ANKRD30A: variants seen among roughly 807,000 people sequenced by gnomAD.
The protein encoded by ANKRD30A is ankyrin repeat domain 30A, also known as ankyrin repeat domain-containing protein 30A.
Under a neutral mutation model 166.3 loss-of-function variants are expected in ANKRD30A, and 170 were observed. That is an observed-to-expected ratio of 1.02 (90% CI 0.90 to 1.16). The LOEUF is 1.16. ANKRD30A is among the 50% of genes most tolerant of loss of function. The probability of loss-of-function intolerance (pLI) is 0.00; values close to 1 mark genes in which losing one functional copy is unlikely to be tolerated. For synonymous variants in ANKRD30A, 564 were observed against 508.9 expected, an observed-to-expected ratio of 1.11 and a Z score of -1.46; for missense variants, 1,630 against 1,518.0, an observed-to-expected ratio of 1.07 and a Z score of -1.23.
intron 11 of ANKRD30A, among the ~76,000 whole-genome samples, chr10:37,151,026 T>C (rs1623271): frequency 0.1 from 8,204 of 82,390 alleles, 809 homozygotes; most frequent in African/African-American, 0.14. Context: ...TTTGAGTTTC[T>C]TGTACCCTCT....
chr10:37,147,083 A>G (rs80012982), intron 8 of ANKRD30A, among the ~76,000 whole-genome samples: 939 of 47,280 alleles, frequency 0.02, no homozygotes, highest in South Asian at 0.041. Context: ...GATATTTTTA[A>G]GTGAGCTACT....
chr10:37,146,989 C>A (rs568867821), intron 8 of ANKRD30A, among the ~76,000 whole-genome samples: 2 of 101,732 alleles, frequency 2.0e-5, no homozygotes, highest in African/African-American at 7.1e-5. Context: ...TCTGATTGAA[C>A]CCCAACATGT....
intron 13 of ANKRD30A, 90 bp from the exon 14 acceptor site, chr10:37,158,302 G>A (rs1838538683): frequency 6.7e-7 from 1 of 1,488,484 alleles, no homozygotes; most frequent in African/African-American, 1.4e-5. Flanking sequence ...CCAAGCATGA[G>A]GATTCATCTT....
intron 18 of ANKRD30A, among the ~76,000 whole-genome samples, chr10:37,166,059 G>T (rs1252821475): frequency 6.6e-6 from 1 of 151,984 alleles, no homozygotes; most frequent in Middle Eastern, 3.2e-3. Flanking sequence ...TCAGAAACAT[G>T]TTGCTTATTT....
At chr10:37,201,426 T>G (rs187713253) in intron 31 of ANKRD30A, 101 bp downstream of exon 31, 1 of 859,764 alleles carries the variant, frequency 1.2e-6, no homozygotes, top group African/African-American at 1.8e-5. Flanking sequence ...ACCTCCTAAA[T>G]GCAAACCATG....
the ANKRD30A span, chr10:37,262,388 A>C: frequency 6.5e-6 from 1 of 153,538 alleles, no homozygotes; most frequent in Admixed American, 6.5e-5. Flanking sequence ...GCCTTGGAGA[A>C]AGCAGATCTG....
chr10:37,148,362 A>T (rs1486813622), intron 9 of ANKRD30A, among the ~76,000 whole-genome samples: 1 of 152,162 alleles, frequency 6.6e-6, no homozygotes, highest in Non-Finnish European at 1.5e-5. Context: ...AACAAATTAT[A>T]AATTTAAGTT....
rs754022824 is a variant in ANKRD30A, at chr10:37,147,412, G to C, written c.1498G>C (p.Glu500Gln). 6.3e-7 allele frequency: 1 copy of C among 1,597,210 alleles called. No individual in the cohort carries two copies. The highest frequency in any genetic ancestry group is 8.5e-7 in the Non-Finnish European group (1 of 1,172,318). The change falls in exon 9 of 36, where the codon GAG becomes CAG. Residue 500 changes from glutamate to glutamine, a missense_variant. Physicochemically the swap from Glu to Gln is conservative, Grantham distance 29. This residue lies in a region of ANKRD30A where 904 missense variants were observed against 818.5 expected (regional missense o/e 1.10). Coordinates refer to ENST00000361713, the MANE Select transcript of ANKRD30A (RefSeq NM_052997.3). ...SSAKIQVCIPESIYQKVMEIN... is the reference protein window; with the variant it reads ...SSAKIQVCIPQSIYQKVMEIN... ...TGCAAAGATTCAAGTGTGTATACCT[G>C]AGTCTATATATCAAAAAGTAATGGA...
At chr10:37,206,065 G>A (rs1255716546) in intron 31 of ANKRD30A, among the ~76,000 whole-genome samples, 3 of 152,098 alleles carry the variant, frequency 2.0e-5, no homozygotes, top group Admixed American at 6.6e-5. Flanking sequence ...ATAGATGCAC[G>A]ATATTACTTC....
intron 31 of ANKRD30A, among the ~76,000 whole-genome samples, chr10:37,209,397 G>A (rs1161903363): frequency 6.6e-6 from 1 of 152,106 alleles, no homozygotes; most frequent in African/African-American, 2.4e-5. Flanking sequence ...GGAAGAACTT[G>A]CACATCACAT....
chr10:37,145,407 G>T (rs764182989), intron 8 of ANKRD30A, among the ~76,000 whole-genome samples: 8 of 152,120 alleles, frequency 5.3e-5, no homozygotes, highest in Non-Finnish European at 8.8e-5. Context: ...AACCCGGGAG[G>T]TGGAGGTTGC....
chr10:37,217,891 CTG>C lies in ANKRD30A; in HGVS notation c.3267+14_3267+15del. On this transcript the variant is annotated intron_variant, in intron 33 of 35. Coordinates refer to ENST00000361713, the MANE Select transcript of ANKRD30A (RefSeq NM_052997.3). ...TAATTTGAATCAGGTAAATCAATCT[CTG>C]ATAAAAATTTTATATTTCTAACTTT... 6.7e-7 allele frequency: 1 copy of C among 1,493,676 alleles called. No homozygotes were observed. Among genetic ancestry groups the C allele is most frequent in the Non-Finnish European group, 8.9e-7 (1 of 1,118,948 alleles). 92.5% of individuals were successfully genotyped at this position (1,493,676 alleles called of 1,614,324 possible).
chr10:37,232,863 C>T (rs1843507378), downstream of ANKRD30A, among the ~76,000 whole-genome samples: 1 of 142,404 alleles, frequency 7.0e-6, no homozygotes, highest in Middle Eastern at 3.5e-3. Flanking sequence ...TAGCCAATGC[C>T]CTCCAGCCTG....
At chr10:37,148,941 T>C (rs1352754513) in intron 9 of ANKRD30A, among the ~76,000 whole-genome samples, 1 of 152,042 alleles carries the variant, frequency 6.6e-6, no homozygotes, top group African/African-American at 2.4e-5. Flanking sequence ...AATATTGTGG[T>C]GACTTTATAA....
rs1321258303 is a variant in ANKRD30A at position 37,219,385 on chromosome 10, A to G, written c.3673A>G (p.Ile1225Val). 1.9e-6 allele frequency: 3 copies of G among 1,610,610 alleles called. No homozygotes were observed. The highest frequency in any genetic ancestry group is 1.7e-5 in the Admixed American group (1 of 59,660). ...SRKSQEPAFH[I>V]AGDACLQRKM... Reference sequence around the variant, plus strand: ...AAAAAGTCAAGAACCTGCTTTCCACATTGCAGGAGATGCTTGTTTGCAAAG... The same window carrying G: ...AAAAAGTCAAGAACCTGCTTTCCACGTTGCAGGAGATGCTTGTTTGCAAAG... Residue 1225 changes from isoleucine to valine, a missense_variant, in exon 34 of 36, where the codon ATT becomes GTT. Around this residue, in one of 4 missense-constraint regions of ANKRD30A, gnomAD observed 712 missense variants for 629.3 expected, o/e 1.13. Transcript: ENST00000361713.
At chr10:37,245,182 T>G in the ANKRD30A span, among the ~76,000 whole-genome samples, 1 of 152,226 alleles carries the variant, frequency 6.6e-6, no homozygotes, top group Admixed American at 6.5e-5. Context: ...TACTCAAGTA[T>G]TTGGTATAGT....
the ANKRD30A span, among the ~76,000 whole-genome samples, chr10:37,246,187 C>G: frequency 6.6e-6 from 1 of 152,190 alleles, no homozygotes; most frequent in Non-Finnish European, 1.5e-5. Flanking sequence ...TCTTCTAATA[C>G]TAGGTCTCAA....
chr10:37,143,027 T>C (rs1188584885), intron 7 of ANKRD30A, among the ~76,000 whole-genome samples: 1 of 152,260 alleles, frequency 6.6e-6, no homozygotes, highest in Non-Finnish European at 1.5e-5. Context: ...GTAATCTTCC[T>C]GTAACATTTT....
chr10:37,190,466 T>G (rs1461551583), intron 25 of ANKRD30A, among the ~76,000 whole-genome samples: 3 of 151,638 alleles, frequency 2.0e-5, no homozygotes, highest in Non-Finnish European at 2.9e-5. Context: ...GCAATAGAAA[T>G]TATAGATGGA....
Sources: gnomAD v4.1 joint callset for allele counts (sites outside exome capture counted in the v4.1 genomes callset) on GRCh38, gnomAD v4.1.1 for gene constraint, gnomAD v4.1.1 regional missense constraint, MANE v1.5 for transcripts, NCBI Gene and HGNC (gene_info 2026-07-23, HGNC 2026-07-21) for gene names.